HMCN1: variants seen among roughly 807,000 people sequenced by gnomAD.
The protein encoded by HMCN1 is hemicentin-1.
A neutral mutation model predicts 625.9 loss-of-function variants in HMCN1; 321 were observed. The ratio of observed to expected loss-of-function variants is 0.51; its 90% CI spans 0.47 to 0.56. The LOEUF (loss-of-function observed/expected upper bound fraction) is 0.56. Ranked by LOEUF, HMCN1 falls within the 20% of genes least tolerant of loss-of-function variation. The probability of loss-of-function intolerance (pLI) is 0.00; values close to 1 mark genes in which losing one functional copy is unlikely to be tolerated. For missense variants in HMCN1, 6,588 were observed against 6,887.3 expected, an observed-to-expected ratio of 0.96 and a Z score of 1.54; for synonymous variants, 2,425 against 2,417.6, an observed-to-expected ratio of 1.00 and a Z score of -0.09.
chr1:185,829,838 C>T (rs1660746254), intron 1 of HMCN1, among the ~76,000 whole-genome samples: 2 of 152,110 alleles, frequency 1.3e-5, no homozygotes, highest in Non-Finnish European at 2.9e-5. Context: ...ATACTGTCTT[C>T]CACAGTGATT....
Position 185,970,414 on chromosome 1 carries a change from T to A in HMCN1, c.2292T>A (p.Asp764Glu), listed in dbSNP as rs1237480231. ...LGLLKIQETQ[D>E]LDAGDYTCVA... Reference sequence around the variant, plus strand: ...TTTTGAAGATTCAAGAAACACAAGATCTGGATGCTGGCGATTATACCTGTG... The same window carrying A: ...TTTTGAAGATTCAAGAAACACAAGAACTGGATGCTGGCGATTATACCTGTG... Residue 764 changes from aspartate to glutamate, a missense_variant, in exon 15 of 107, where the codon GAT (aspartate) becomes GAA (glutamate). Physicochemically the swap from Asp to Glu is conservative, Grantham distance 45 (BLOSUM62 2). This residue lies in a region of HMCN1 where 4,628 missense variants were observed against 4,853.1 expected (regional missense o/e 0.95). Transcript: ENST00000271588. The A allele has an allele frequency of 1.9e-6, 3 of 1,613,530 alleles. No homozygotes were observed. The highest frequency in any genetic ancestry group is 1.6e-4 in the Middle Eastern group (1 of 6,080).
intron 16 of HMCN1, among the ~76,000 whole-genome samples, chr1:185,979,330 A>C (rs1651455454): frequency 1.3e-5 from 2 of 152,236 alleles, no homozygotes; most frequent in South Asian, 4.1e-4. Flanking sequence ...GCTACAAGAT[A>C]GGAAGAGAGA....
chr1:186,087,423 C>T lies in HMCN1; in HGVS notation c.9161-20C>T. On this transcript the variant is annotated intron_variant, in intron 59 of 106. Coordinates refer to ENST00000271588, the MANE Select transcript of HMCN1 (RefSeq NM_031935.3). ...CACCTTAATGAAAAAGAAAATCCTT[C>T]TGTTATTTTCTTCCCTCAGTGCCCC... 6.2e-7 allele frequency: 1 copy of T among 1,608,654 alleles called. No homozygotes were observed. The highest frequency in any genetic ancestry group is 8.5e-7 in the Non-Finnish European group (1 of 1,175,430).
At chr1:186,026,563 C>G (rs928990533) in intron 36 of HMCN1, among the ~76,000 whole-genome samples, 6 of 152,046 alleles carry the variant, frequency 3.9e-5, no homozygotes, top group Non-Finnish European at 7.4e-5. Flanking sequence ...GGAAGCAATC[C>G]TCATTTAATT....
At chr1:186,144,935 A>G (rs966193580) in intron 91 of HMCN1, among the ~76,000 whole-genome samples, 1 of 152,210 alleles carries the variant, frequency 6.6e-6, no homozygotes, top group Non-Finnish European at 1.5e-5. Context: ...CCCAGAGTAT[A>G]AGAATGAGAG....
intron 40 of HMCN1, among the ~76,000 whole-genome samples, chr1:186,044,814 A>C (rs922372135): frequency 6.6e-6 from 1 of 152,118 alleles, no homozygotes; most frequent in Non-Finnish European, 1.5e-5. Flanking sequence ...ACAGGCCTGA[A>C]AGAGTCCTTG....
intron 2 of HMCN1, among the ~76,000 whole-genome samples, chr1:185,852,576 C>CTACA (rs1662227175): frequency 1.1e-5 from 1 of 87,806 alleles, no homozygotes; most frequent in East Asian, 3.5e-4. Flanking sequence ...TACAAATATC[C>CTACA]TACACACACA....
At chr1:185,943,638 A>G (rs1668192867) in intron 11 of HMCN1, among the ~76,000 whole-genome samples, 1 of 152,166 alleles carries the variant, frequency 6.6e-6, no homozygotes, top group Non-Finnish European at 1.5e-5. Context: ...CAGCACCTCA[A>G]TGTGTTCAAC....
At chr1:185,937,897 TAATA>T (rs1667897384) in intron 11 of HMCN1, among the ~76,000 whole-genome samples, 1 of 146,122 alleles carries the variant, frequency 6.8e-6, no homozygotes, top group Non-Finnish European at 1.5e-5. Context: ...ATAATAATAA[TAATA>T]ATAATAATAA....
chr1:185,996,863 ACTTTAT>A (rs1265394386), intron 24 of HMCN1, among the ~76,000 whole-genome samples: 3 of 152,258 alleles, frequency 2.0e-5, no homozygotes, highest in Admixed American at 1.3e-4. Flanking sequence ...CAGGTCTGAA[ACTTTAT>A]CTTATAGACA....
At position 186,048,773 on chromosome 1, in the gene HMCN1, C is replaced by G; in HGVS notation, c.6511C>G (p.Arg2171Gly). The change falls in exon 42 of 107, where the codon CGT becomes GGT. Residue 2171 changes from arginine to glycine, a missense_variant. Transcript: ENST00000271588. Reference sequence around the variant, plus strand: ...AGATGCTCAGGTTCAAGACACTGGTCGTTACACTTGTGAAGCAACAAATGT... The same window carrying G: ...AGATGCTCAGGTTCAAGACACTGGTGGTTACACTTGTGAAGCAACAAATGT... ...IEDAQVQDTGRYTCEATNVAG... is the reference protein window; with the variant it reads ...IEDAQVQDTGGYTCEATNVAG... The G allele has an allele frequency of 6.2e-7, 1 of 1,610,786 alleles. No individual in the cohort carries two copies. The highest frequency in any genetic ancestry group is 8.5e-7 in the Non-Finnish European group (1 of 1,177,540).
chr1:186,026,817 T>C (rs1427789495), intron 36 of HMCN1, among the ~76,000 whole-genome samples: 1 of 151,944 alleles, frequency 6.6e-6, no homozygotes, highest in Non-Finnish European at 1.5e-5. Flanking sequence ...GTACTTTTTG[T>C]AGAGATGGGA....
At chr1:185,937,448 G>A (rs1667865887) in intron 11 of HMCN1, among the ~76,000 whole-genome samples, 1 of 152,154 alleles carries the variant, frequency 6.6e-6, no homozygotes, top group Non-Finnish European at 1.5e-5. Context: ...TTTTCATGTG[G>A]ACAGAGACCT....
chr1:186,090,905 C>G lies in HMCN1; in HGVS notation c.9875C>G (p.Thr3292Arg). 1.9e-6 allele frequency: 3 copies of G among 1,611,962 alleles called. No individual in the cohort carries two copies. The East Asian group carries it at 6.7e-5, about 36-fold the overall frequency. The change falls in exon 64 of 107, where the codon ACA becomes AGA. Residue 3292 changes from threonine to arginine, a missense_variant. By Grantham distance (71) the Thr-to-Arg change is moderately conservative (BLOSUM62 -1). Coordinates refer to ENST00000271588, the MANE Select transcript of HMCN1 (RefSeq NM_031935.3). The stretch of plus-strand genomic sequence containing the variant: ...GGAAAGCCCATAGCTAGTGGTGAAA[C>G]AGAAAGAATCCGGTATGTTTAAAAA... ...KDGKPIASGE[T>R]ERIRVSANGS... is the part of the protein sequence containing the mutation.
In HMCN1 at chr1:186,151,224, G is replaced by A; in HGVS notation, c.14633G>A (p.Ser4878Asn). 1 of 1,613,688 alleles carries A rather than the reference G, an allele frequency of 6.2e-7. No homozygotes were observed. Among genetic ancestry groups the A allele is most frequent in the South Asian group, 1.1e-5 (1 of 91,054 alleles). Residue 4878 changes from serine to asparagine, a missense_variant, in exon 94 of 107, where the codon AGT (serine) becomes AAT (asparagine). Physicochemically the swap from Ser to Asn is conservative, Grantham distance 46 (BLOSUM62 1). Around this residue, in one of 3 missense-constraint regions of HMCN1, gnomAD observed 1,954 missense variants for 2,013.1 expected, o/e 0.97. Transcript: ENST00000271588. ...GGTGGGCCCCAGCGAGCCAGAGGAA[G>A]TGTTATTGGAAATATTAATGATGTT... The part of the protein sequence containing the change: ...CPGGPQRARG[S>N]VIGNINDVEF...
intron 65 of HMCN1, 94 bp from the exon 66 acceptor site, chr1:186,093,392 A>G: frequency 5.0e-6 from 8 of 1,586,140 alleles, no homozygotes; most frequent in East Asian, 2.2e-5. Context: ...TTGGGCTACA[A>G]TTTTGAAATG....
intron 69 of HMCN1, among the ~76,000 whole-genome samples, chr1:186,104,170 G>T (rs1439327012): frequency 6.6e-6 from 1 of 152,152 alleles, no homozygotes; most frequent in Non-Finnish European, 1.5e-5. Flanking sequence ...AGAGAAGTAT[G>T]TCTGGGATGT....
intron 2 of HMCN1, among the ~76,000 whole-genome samples, chr1:185,858,592 T>C (rs1662636094): frequency 2.0e-5 from 1 of 50,160 alleles, no homozygotes; most frequent in Non-Finnish European, 3.9e-5. Flanking sequence ...GCTAATTTTT[T>C]TTTTTTTTTT....
At chr1:186,110,705 A>G (rs1177819904) in intron 71 of HMCN1, among the ~76,000 whole-genome samples, 1 of 152,116 alleles carries the variant, frequency 6.6e-6, no homozygotes, top group Non-Finnish European at 1.5e-5. Context: ...AGGACACGTT[A>G]TGTTGGATAG....
Sources: allele counts gnomAD v4.1 joint callset (sites outside exome capture counted in the v4.1 genomes callset), GRCh38; gene constraint gnomAD v4.1.1; regional missense constraint gnomAD v4.1.1; transcripts MANE v1.5; gene names NCBI Gene and HGNC (gene_info 2026-07-23, HGNC 2026-07-21).